ADGRV1: variants seen among roughly 807,000 people sequenced by gnomAD.
ADGRV1 encodes adhesion G protein-coupled receptor V1, also known as G-protein coupled receptor 98.
In ADGRV1, 359 loss-of-function variants were observed where a neutral mutation model predicts 596.2. That is an observed-to-expected ratio of 0.60 (90% CI 0.55 to 0.66). The LOEUF is 0.66. Ranked by LOEUF, ADGRV1 falls within the 30% of genes least tolerant of loss-of-function variation. The probability of loss-of-function intolerance (pLI) is 0.00; values close to 1 mark genes in which losing one functional copy is unlikely to be tolerated. For synonymous variants in ADGRV1, 2,681 were observed against 2,679.2 expected (o/e 1.00, Z -0.02); for missense variants, 7,274 against 7,575.6 (o/e 0.96, Z 1.48).
At chr5:91,123,172 G>T (rs1582126499) in intron 87 of ADGRV1, among the ~76,000 whole-genome samples, 1 of 150,084 alleles carries the variant, frequency 6.7e-6, no homozygotes, top group South Asian at 2.2e-4. Flanking sequence ...CAGGGTTGTT[G>T]GGAGACTGAA....
intron 86 of ADGRV1, among the ~76,000 whole-genome samples, chr5:91,076,521 A>G (rs918577049): frequency 2.6e-5 from 4 of 152,208 alleles, no homozygotes; most frequent in Non-Finnish European, 5.9e-5. Context: ...ATTAATAATC[A>G]TCAATGTACC....
At chr5:90,755,252 C>T in intron 55 of ADGRV1, 67 bp downstream of exon 55, 3 of 1,017,092 alleles carry the variant, frequency 2.9e-6, no homozygotes, top group East Asian at 2.6e-5. Context: ...AATTGTGATG[C>T]TCTTGTAAGT....
At chr5:90,714,543 A>G (rs1490659811) in intron 42 of ADGRV1, among the ~76,000 whole-genome samples, 3 of 151,910 alleles carry the variant, frequency 2.0e-5, no homozygotes, top group Non-Finnish European at 2.9e-5. Flanking sequence ...AATGCTATAA[A>G]ATATTTTACT....
chr5:91,142,507 T>C (rs987745640), intron 87 of ADGRV1, among the ~76,000 whole-genome samples: 1 of 152,096 alleles, frequency 6.6e-6, no homozygotes, highest in African/African-American at 2.4e-5. Context: ...CAACTAGGAG[T>C]TGTTGAACCT....
At chr5:91,053,161 A>G (rs1044200579) in intron 85 of ADGRV1, among the ~76,000 whole-genome samples, 2 of 152,176 alleles carry the variant, frequency 1.3e-5, no homozygotes, top group African/African-American at 2.4e-5. Flanking sequence ...TCTGATTGCT[A>G]AACTGTCTGG....
intron 87 of ADGRV1, among the ~76,000 whole-genome samples, chr5:91,139,148 T>C (rs1794895430): frequency 1.3e-5 from 2 of 152,224 alleles, no homozygotes; most frequent in Non-Finnish European, 2.9e-5. Context: ...GCACGAGAAG[T>C]TGCACATTTC....
chr5:90,637,827 A>G lies in ADGRV1; in HGVS notation c.2119A>G (p.Ile707Val), dbSNP rs200897149. 10 of 1,613,764 alleles carry G rather than the reference A, an allele frequency of 6.2e-6. No individual in the cohort carries two copies. The highest frequency in any genetic ancestry group is 8.5e-6 in the Non-Finnish European group (10 of 1,179,784). Reference protein sequence around the residue: ...FNSKAVTPDDIGPFNGSVLFL... With the variant: ...FNSKAVTPDDVGPFNGSVLFL... ...TTCAAAAGCAGTGACCCCGGATGATATAGGCCCCTTTAATGGCTCTGTTTT... is the reference window on the plus strand; with the variant it reads ...TTCAAAAGCAGTGACCCCGGATGATGTAGGCCCCTTTAATGGCTCTGTTTT... The change falls in exon 11 of 90, where the codon ATA becomes GTA. Residue 707 changes from isoleucine to valine, a missense_variant. By Grantham distance (29) the Ile-to-Val change is conservative (BLOSUM62 3). Transcript: ENST00000405460.
Position 90,757,017 on chromosome 5 carries a change from A to G in ADGRV1, c.11796A>G (p.Pro3932=). Residue 3932 remains proline, a synonymous_variant, in exon 57 of 90, where the codon CCA becomes CCG. Coordinates refer to ENST00000405460, the MANE Select transcript of ADGRV1 (RefSeq NM_032119.4). Reference sequence around the variant, plus strand: ...TTATTACTGCCTATGAGGTGCCTCCACCCTTGAACGTTCTTCAAGTTCCTG... The same window carrying G: ...TTATTACTGCCTATGAGGTGCCTCCGCCCTTGAACGTTCTTCAAGTTCCTG... ...GEVITAYEVP[P]PLNVLQVPVV... is the part of the protein sequence containing the mutation. 6.2e-7 allele frequency: 1 copy of G among 1,613,072 alleles called. No individual in the cohort carries two copies. Among genetic ancestry groups the G allele is most frequent in the Non-Finnish European group, 8.5e-7 (1 of 1,179,438 alleles).
chr5:90,972,522 C>G (rs1439871567), intron 84 of ADGRV1, among the ~76,000 whole-genome samples: 2 of 152,162 alleles, frequency 1.3e-5, no homozygotes, highest in Non-Finnish European at 2.9e-5. Flanking sequence ...ACAGTGCAAT[C>G]AAACTAGAAC....
chr5:90,896,267 G>GTGTT (rs1771302454), intron 83 of ADGRV1, among the ~76,000 whole-genome samples: 2 of 84,878 alleles, frequency 2.4e-5, no homozygotes, highest in African/African-American at 9.5e-5. Flanking sequence ...GTGACCAGTG[G>GTGTT]TTTTTTTTTT....
At chr5:90,622,576 T>C in intron 4 of ADGRV1, 21 bp from the exon 5 acceptor site, 3 of 1,238,438 alleles carry the variant, frequency 2.4e-6, no homozygotes, top group South Asian at 4.1e-5. Flanking sequence ...CCTGATCATC[T>C]GTGCTTGCTT....
intron 89 of ADGRV1, among the ~76,000 whole-genome samples, chr5:91,154,051 T>G (rs1796271375): frequency 6.6e-6 from 1 of 152,262 alleles, no homozygotes; most frequent in Non-Finnish European, 1.5e-5. Flanking sequence ...CTTTCCAGTG[T>G]GTCTAAATGA....
intron 50 of ADGRV1, among the ~76,000 whole-genome samples, chr5:90,742,317 A>G (rs74658632): frequency 0.025 from 3,844 of 152,328 alleles, 144 homozygotes; most frequent in African/African-American, 0.088. Flanking sequence ...AGGAAGAATC[A>G]TTTAATTGAG....
At chr5:91,154,090 G>A (rs887533798) in intron 89 of ADGRV1, among the ~76,000 whole-genome samples, 1 of 152,160 alleles carries the variant, frequency 6.6e-6, no homozygotes, top group African/African-American at 2.4e-5. Flanking sequence ...AAACATAGTG[G>A]ATATTTTATT....
chr5:90,743,186 T>G lies in ADGRV1; in HGVS notation c.10550-1860T>G, dbSNP rs1256826293. On this transcript the variant is annotated intron_variant, in intron 50 of 89. Transcript: ENST00000405460. ...GATGCCCCTGAATTAATTTTTTTAC[T>G]CAGTGTCTCCAGTTTTATAAAACTT... Among the ~76,000 whole-genome samples the G allele has an allele frequency of 3.9e-5, 6 of 152,210 alleles. No individual in the cohort carries two copies. The East Asian group carries it at 7.7e-4, about 20-fold the overall frequency.
intron 21 of ADGRV1, among the ~76,000 whole-genome samples, chr5:90,659,155 G>C (rs771094182): frequency 1.3e-5 from 2 of 152,144 alleles, no homozygotes; most frequent in Non-Finnish European, 2.9e-5. Context: ...TCTTCAAATA[G>C]TATGGTCCTT....
intron 52 of ADGRV1, among the ~76,000 whole-genome samples, chr5:90,750,008 A>G (rs1340886639): frequency 6.6e-6 from 1 of 152,204 alleles, no homozygotes; most frequent in Non-Finnish European, 1.5e-5. Flanking sequence ...ATTTAAGAAT[A>G]AGAGACATTT....
At chr5:90,650,736 T>A (rs1230951741) in intron 17 of ADGRV1, among the ~76,000 whole-genome samples, 1 of 152,162 alleles carries the variant, frequency 6.6e-6, no homozygotes, top group Admixed American at 6.5e-5. Flanking sequence ...TGTGTGTGTG[T>A]GTGTGTCCCA....
At chr5:90,797,816 A>C (rs1416270383) in intron 70 of ADGRV1, among the ~76,000 whole-genome samples, 1 of 151,264 alleles carries the variant, frequency 6.6e-6, no homozygotes, top group Non-Finnish European at 1.5e-5. Flanking sequence ...AGGATTGGGA[A>C]ACTCACTCAA....
Sources: allele counts gnomAD v4.1 joint callset (sites outside exome capture counted in the v4.1 genomes callset), GRCh38; gene constraint gnomAD v4.1.1; transcripts MANE v1.5; gene names NCBI Gene and HGNC (gene_info 2026-07-23, HGNC 2026-07-21).